MAP4K3: variants seen among roughly 807,000 people sequenced by gnomAD.
MAP4K3 encodes MAPK/ERK kinase kinase kinase 3.
Under a neutral mutation model 143.5 loss-of-function variants are expected in MAP4K3, and 94 were observed. The ratio of observed to expected loss-of-function variants is 0.65; its 90% CI spans 0.55 to 0.78. MAP4K3 has a LOEUF of 0.78. MAP4K3 is among the 30% of genes least tolerant of loss of function. The probability of loss-of-function intolerance (pLI) is 0.00; values close to 1 mark genes in which losing one functional copy is unlikely to be tolerated. For missense variants in MAP4K3, 1,077 were observed against 1,068.1 expected (o/e 1.01, Z -0.12); for synonymous variants, 416 against 347.2 (o/e 1.20, Z -2.20).
chr2:39,386,891 C>T (rs1419231009), intron 1 of MAP4K3, among the ~76,000 whole-genome samples: 2 of 148,658 alleles, frequency 1.3e-5, no homozygotes, highest in Non-Finnish European at 3.0e-5. Flanking sequence ...TCTCAGCTCG[C>T]TGCAACCTCT....
At chr2:39,368,503 C>CA (rs202108886) in intron 2 of MAP4K3, among the ~76,000 whole-genome samples, 6 of 151,252 alleles carry the variant, frequency 4.0e-5, no homozygotes, top group Admixed American at 6.6e-5. Context: ...CCAGTCTCTA[C>CA]AAAAAAAACT....
Position 39,378,126 on chromosome 2 carries a change from A to G in MAP4K3, c.97-3T>C. 4 of 1,566,772 alleles carry G rather than the reference A, an allele frequency of 2.6e-6. No individual in the cohort carries two copies. Among genetic ancestry groups the G allele is most frequent in the South Asian group, 2.4e-5 (2 of 84,930 alleles). On this transcript the variant is annotated splice_region_variant and splice_polypyrimidine_tract_variant and intron_variant, in intron 1 of 33. Transcript: ENST00000263881. ...TCACCAGTGTTAACATTCCGTGCCT[A>G]AAAGAAAGAGGAAAAAAGGATTATT...
intron 21 of MAP4K3, among the ~76,000 whole-genome samples, chr2:39,282,851 C>T (rs542159186): frequency 3.9e-5 from 6 of 152,228 alleles, no homozygotes; most frequent in Non-Finnish European, 8.8e-5. Flanking sequence ...TACATGTTCC[C>T]ATAGAAAATA....
At chr2:39,278,140 G>C (rs1217595949) in intron 24 of MAP4K3, among the ~76,000 whole-genome samples, 2 of 151,780 alleles carry the variant, frequency 1.3e-5, no homozygotes, top group Non-Finnish European at 2.9e-5. Context: ...AAATTGGCTG[G>C]GCGTGGTGGT....
intron 1 of MAP4K3, among the ~76,000 whole-genome samples, chr2:39,422,520 A>G (rs1235147142): frequency 6.6e-6 from 1 of 152,210 alleles, no homozygotes; most frequent in Non-Finnish European, 1.5e-5. Context: ...AACTGAGAAA[A>G]TAAATTTCCA....
intron 22 of MAP4K3, among the ~76,000 whole-genome samples, 174 bp from the exon 23 acceptor site, chr2:39,280,530 C>A (rs1426234507): frequency 6.6e-6 from 1 of 151,690 alleles, no homozygotes; most frequent in East Asian, 1.9e-4. Context: ...ATTTGCCTAA[C>A]AGTGGTACCA....
rs1680111995 is a variant in MAP4K3 at position 39,250,550 on chromosome 2, A to G, written c.*68T>C. ...TTACTGCAGCTTTTGTACAGCTTCA[A>G]GCATCCATTAATGTTGCAGTGGTAG... On this transcript the variant is annotated 3_prime_UTR_variant, in exon 34 of 34. Transcript: ENST00000263881. 2.9e-6 allele frequency: 4 copies of G among 1,398,092 alleles called. No homozygotes were observed. The South Asian group carries it at 4.8e-5, about 17-fold the overall frequency. 86.6% of individuals were successfully genotyped at this position (1,398,092 alleles called of 1,614,324 possible).
intron 28 of MAP4K3, chr2:39,260,991 C>T (rs1680546244): frequency 2.3e-6 from 1 of 432,154 alleles, no homozygotes; most frequent in Non-Finnish European, 4.1e-6. Context: ...GATTTTAGGA[C>T]ATTAAGGCTG....
chr2:39,281,833 A>C (rs1164512707), intron 22 of MAP4K3, among the ~76,000 whole-genome samples: 1 of 150,854 alleles, frequency 6.6e-6, no homozygotes. Flanking sequence ...TACAAATATA[A>C]AGTATATATA....
chr2:39,345,570 G>C (rs1665264602), intron 3 of MAP4K3, among the ~76,000 whole-genome samples: 1 of 152,076 alleles, frequency 6.6e-6, no homozygotes, highest in African/African-American at 2.4e-5. Context: ...AGAGCGCAAA[G>C]GTCAACCAAC....
intron 4 of MAP4K3, 146 bp downstream of exon 4, chr2:39,343,242 A>C (rs1665191132): frequency 2.1e-6 from 1 of 475,000 alleles, no homozygotes; most frequent in African/African-American, 2.0e-5. Context: ...TTCCACCTAT[A>C]TCTAAAATAC....
At chr2:39,344,166 C>T (rs1261777995) in intron 3 of MAP4K3, among the ~76,000 whole-genome samples, 6 of 152,294 alleles carry the variant, frequency 3.9e-5, no homozygotes, top group Non-Finnish European at 7.4e-5. Context: ...CTCACCACTG[C>T]CTTCTTAGTG....
At chr2:39,269,373 T>C (rs1372765324) in intron 26 of MAP4K3, among the ~76,000 whole-genome samples, 1 of 151,992 alleles carries the variant, frequency 6.6e-6, no homozygotes, top group East Asian at 1.9e-4. Context: ...GAGTCCTTAC[T>C]ATGTGCCATG....
At chr2:39,260,879 G>T in intron 28 of MAP4K3, 102 bp from the exon 29 acceptor site, 2 of 760,540 alleles carry the variant, frequency 2.6e-6, no homozygotes, top group Non-Finnish European at 4.1e-6. Flanking sequence ...ACTGCATCTT[G>T]TCACAGAAAT....
In MAP4K3 at chr2:39,436,811, A is replaced by G. The variant is rs1354026958; in HGVS notation, c.96+81T>C. On this transcript the variant is annotated intron_variant, in intron 1 of 33. Coordinates refer to ENST00000263881, the MANE Select transcript of MAP4K3 (RefSeq NM_003618.4). ...CCTGGCGCCAGCGTCTCCCGAGGAC[A>G]GGCGGCAAGGGCTCGGACGCCCAGG... The G allele has an allele frequency of 2.6e-5, 32 of 1,221,154 alleles. No individual in the cohort carries two copies. The East Asian group carries it at 8.2e-4, about 31-fold the overall frequency. 75.6% of individuals were successfully genotyped at this position (1,221,154 alleles called of 1,614,324 possible).
In MAP4K3 at chr2:39,377,201, C is replaced by CT. The variant is rs56149359; in HGVS notation, c.154+864dup. On this transcript the variant is annotated intron_variant, in intron 2 of 33. Transcript: ENST00000263881. Reference sequence around the variant, plus strand: ...AAGTCTAAAGTATTGGCTATTTGGCCTTTTTTTTTTTTTTAAACAGAAAAA... The same window carrying CT: ...AAGTCTAAAGTATTGGCTATTTGGCCTTTTTTTTTTTTTTTAAACAGAAAAA... Among the ~76,000 whole-genome samples, 262 of 110,594 alleles carry CT rather than the reference C, an allele frequency of 2.4e-3. 1 individual carries two copies. The highest frequency in any genetic ancestry group is 6.9e-3 in the African/African-American group (233 of 33,922). The allele number at this position is 110,594 out of a possible 152,430, so 72.6% of individuals were successfully genotyped here.
intron 24 of MAP4K3, among the ~76,000 whole-genome samples, chr2:39,276,090 G>A (rs1681239538): frequency 6.6e-6 from 1 of 152,000 alleles, no homozygotes; most frequent in South Asian, 2.1e-4. Flanking sequence ...TTAGGCTGGT[G>A]TCGAACTCCT....
intron 3 of MAP4K3, among the ~76,000 whole-genome samples, chr2:39,348,155 C>A (rs1665350178): frequency 6.6e-6 from 1 of 152,016 alleles, no homozygotes; most frequent in Admixed American, 6.6e-5. Flanking sequence ...GTTTTTCCTA[C>A]CCCTTCCAGT....
chr2:39,285,041 T>C (rs1160249791), intron 21 of MAP4K3, among the ~76,000 whole-genome samples: 1 of 151,886 alleles, frequency 6.6e-6, no homozygotes, highest in Non-Finnish European at 1.5e-5. Context: ...TATGGGTGCA[T>C]GCCACCATGT....
Sources: gnomAD v4.1 joint callset for allele counts (sites outside exome capture counted in the v4.1 genomes callset) on GRCh38, gnomAD v4.1.1 for gene constraint, MANE v1.5 for transcripts, NCBI Gene and HGNC (gene_info 2026-07-23, HGNC 2026-07-21) for gene names.